CEP85L: variants seen among roughly 807,000 people sequenced by gnomAD.
CEP85L encodes the protein centrosomal protein of 85 kDa-like.
In CEP85L, 60 loss-of-function variants were observed where a neutral mutation model predicts 100.3. The observed-to-expected ratio is 0.60, with a 90% CI of 0.49 to 0.74. The LOEUF is 0.74. Among genes scored for constraint, CEP85L ranks in the 30% least tolerant of loss-of-function variants. The pLI is 0.00. For synonymous variants in CEP85L, 319 were observed against 322.7 expected, an observed-to-expected ratio of 0.99 and a Z score of 0.12; for missense variants, 973 against 936.2, an observed-to-expected ratio of 1.04 and a Z score of -0.51.
At chr6:118,474,601 G>C (rs561337395) in intron 10 of CEP85L, among the ~76,000 whole-genome samples, 34 of 152,260 alleles carry the variant, frequency 2.2e-4, no homozygotes, top group African/African-American at 7.9e-4. Flanking sequence ...AAAAGATGTA[G>C]GGCTGCTGCC....
At chr6:118,638,232 A>G (rs1774639142) in intron 1 of CEP85L, among the ~76,000 whole-genome samples, 2 of 152,008 alleles carry the variant, frequency 1.3e-5, no homozygotes, top group African/African-American at 4.8e-5. Flanking sequence ...GAAAAGAATT[A>G]ACTATATAAA....
intron 2 of CEP85L, among the ~76,000 whole-genome samples, chr6:118,580,919 C>G (rs1225159073): frequency 1.3e-5 from 2 of 152,226 alleles, no homozygotes; most frequent in Non-Finnish European, 2.9e-5. Context: ...GTGAGCCTCT[C>G]TCTCTCAGCC....
intron 2 of CEP85L, chr6:118,589,722 CTCA>C (rs1781073589): frequency 4.0e-6 from 1 of 248,824 alleles, no homozygotes. Context: ...CTGCGAACCC[CTCA>C]TCATCAGGTG....
chr6:118,665,970 T>G (rs1776120378), intron 1 of CEP85L, among the ~76,000 whole-genome samples: 1 of 152,186 alleles, frequency 6.6e-6, no homozygotes, highest in African/African-American at 2.4e-5. Context: ...TCACCCCAAT[T>G]TCTTCACTCC....
intron 1 of CEP85L, among the ~76,000 whole-genome samples, chr6:118,684,748 T>C (rs1408579531): frequency 2.6e-5 from 4 of 152,222 alleles, no homozygotes; most frequent in African/African-American, 9.6e-5. Context: ...CCCATGATCT[T>C]GTAATCTCAC....
chr6:118,466,855 A>G (rs560714771), intron 12 of CEP85L, among the ~76,000 whole-genome samples: 1 of 152,250 alleles, frequency 6.6e-6, no homozygotes, highest in Non-Finnish European at 1.5e-5. Flanking sequence ...AGTATAGGTG[A>G]CGGGTTATGA....
At chr6:118,468,644 CACGTG>C (rs1772711634) in intron 12 of CEP85L, among the ~76,000 whole-genome samples, 1 of 152,000 alleles carries the variant, frequency 6.6e-6, no homozygotes, top group South Asian at 2.1e-4. Context: ...CACTGGCACT[CACGTG>C]AAGCAGCTGC....
intron 1 of CEP85L, among the ~76,000 whole-genome samples, chr6:118,676,091 T>A (rs1292291076): frequency 6.6e-6 from 1 of 152,216 alleles, no homozygotes; most frequent in African/African-American, 2.4e-5. Context: ...ATTAGTCAGC[T>A]TGAAATGTCT....
chr6:118,581,342 T>C (rs1780565766), intron 2 of CEP85L, among the ~76,000 whole-genome samples: 3 of 152,142 alleles, frequency 2.0e-5, no homozygotes, highest in Non-Finnish European at 4.4e-5. Context: ...GCATGGGCCA[T>C]AATAGCAGGA....
At chr6:118,578,566 T>C (rs1780379785) in intron 2 of CEP85L, among the ~76,000 whole-genome samples, 1 of 151,872 alleles carries the variant, frequency 6.6e-6, no homozygotes, top group South Asian at 2.1e-4. Context: ...TTGTCTCTAC[T>C]AAAAATACAA....
intron 3 of CEP85L, among the ~76,000 whole-genome samples, chr6:118,532,198 T>A (rs1005902551): frequency 6.6e-6 from 1 of 152,058 alleles, no homozygotes; most frequent in Non-Finnish European, 1.5e-5. Flanking sequence ...AAGAATAATA[T>A]GTCCTTTGAA....
rs957795285 is a variant in CEP85L at position 118,462,059 on chromosome 6, G to T, written c.*3346C>A. The T allele has an allele frequency of 6.6e-6, 1 of 151,884 alleles. No individual in the cohort carries two copies. The highest frequency in any genetic ancestry group is 1.5e-5 in the Non-Finnish European group (1 of 67,876). 9.4% of individuals were successfully genotyped at this position (151,884 alleles called of 1,614,324 possible). On this transcript the variant is annotated 3_prime_UTR_variant, in exon 13 of 13. Coordinates refer to ENST00000368491, the MANE Select transcript of CEP85L (RefSeq NM_001042475.3). ...AATTAATAATTCTTGCACTATGAAA[G>T]AATTACTTTATAAGCTCCTTAGTAT...
At chr6:118,694,555 G>A (rs960440817) in intron 1 of CEP85L, among the ~76,000 whole-genome samples, 14 of 152,162 alleles carry the variant, frequency 9.2e-5, no homozygotes, top group African/African-American at 3.4e-4. Context: ...AAAAATTTTA[G>A]TGTTTGCAGA....
intron 10 of CEP85L, among the ~76,000 whole-genome samples, chr6:118,478,759 G>T (rs2213858): frequency 0.68 from 102,667 of 152,012 alleles, 35,371 homozygotes; most frequent in Middle Eastern, 0.74. Flanking sequence ...TTTATGTATG[G>T]TCATGACATA....
At chr6:118,545,077 C>A (rs1289601126) in intron 3 of CEP85L, among the ~76,000 whole-genome samples, 1 of 152,098 alleles carries the variant, frequency 6.6e-6, no homozygotes, top group East Asian at 1.9e-4. Flanking sequence ...GTATTGTGAA[C>A]ATTACAAAAA....
chr6:118,578,556 T>C (rs1042123604), intron 2 of CEP85L, among the ~76,000 whole-genome samples: 1 of 151,862 alleles, frequency 6.6e-6, no homozygotes, highest in Non-Finnish European at 1.5e-5. Flanking sequence ...ATGGTGAAAC[T>C]TGTCTCTACT....
rs200694953 is a variant in CEP85L at position 118,565,589 on chromosome 6, T to C, written c.960A>G (p.Leu320=). The change falls in exon 3 of 13, where the codon TTA becomes TTG. Residue 320 remains leucine (L), a synonymous_variant. Transcript: ENST00000368491. ...CAATTTGCTGCTGTTGCCAAGGAGC[T>C]AAACTGTAAGAATCCTCTGTATTTC... is the stretch of plus-strand genomic sequence containing the variant. ...EGRNTEDSYS[L]APWQQQQIED... is the part of the protein sequence containing the mutation. 5.0e-6 allele frequency: 8 copies of C among 1,614,210 alleles called. No individual in the cohort carries two copies. In the East Asian group the frequency reaches 1.8e-4, roughly 36 times the overall value.
upstream of CEP85L, among the ~76,000 whole-genome samples, chr6:118,652,129 A>G (rs1775606034): frequency 6.6e-6 from 1 of 152,178 alleles, no homozygotes. Flanking sequence ...ACCAGAATAT[A>G]GCACCGGGAT....
rs574595329 is a variant in CEP85L, at chr6:118,664,619, T to A, written c.-27-11811A>T. On this transcript the variant is annotated intron_variant, in intron 1 of 13. Transcript: ENST00000368488. ...AACAGCACTGTGTGTCACGGAATAT[T>A]TTACTTTCAGTTTTTCTGGGTTTTC... 2.0e-5 allele frequency: 3 copies of A among 152,440 alleles called. No homozygotes were observed. In the South Asian group the frequency reaches 6.2e-4, roughly 32 times the overall value. 9.4% of individuals were successfully genotyped at this position (152,440 alleles called of 1,614,324 possible).
Sources: gnomAD v4.1 joint callset for allele counts (sites outside exome capture counted in the v4.1 genomes callset) on GRCh38, gnomAD v4.1.1 for gene constraint, MANE v1.5 for transcripts, NCBI Gene and HGNC (gene_info 2026-07-23, HGNC 2026-07-21) for gene names.